DPY19L4: variants seen among roughly 807,000 people sequenced by gnomAD.
DPY19L4 encodes probable C-mannosyltransferase DPY19L4.
DPY19L4 carries 97 observed loss-of-function variants against 102.8 expected under a neutral mutation model. The ratio of observed to expected loss-of-function variants is 0.94; its 90% CI spans 0.80 to 1.12. DPY19L4 has a LOEUF of 1.12. Ranked by LOEUF, DPY19L4 falls within the 50% of genes most tolerant of loss-of-function variation. The pLI is 0.00. For missense variants in DPY19L4, 815 were observed against 850.4 expected (o/e 0.96, Z 0.52); for synonymous variants, 252 against 283.1 (o/e 0.89, Z 1.10).
In DPY19L4 at chr8:94,739,468, A is replaced by C. The variant is rs1422147070; in HGVS notation, c.399A>C (p.Ala133=). The change falls in exon 5 of 19, where the codon GCA becomes GCC. Residue 133 remains alanine, a synonymous_variant. Transcript: ENST00000414645. Reference sequence around the variant, plus strand: ...CTGTATCTCTGAAGACTATAAATGCAGTGCAGCAAATGTCTCTGTATCCGG... The same window carrying C: ...CTGTATCTCTGAAGACTATAAATGCCGTGCAGCAAATGTCTCTGTATCCGG... ...NKTVSLKTIN[A]VQQMSLYPEL... The C allele has an allele frequency of 6.2e-7, 1 of 1,608,680 alleles. No individual in the cohort carries two copies. Among genetic ancestry groups the C allele is most frequent in the Non-Finnish European group, 8.5e-7 (1 of 1,178,716 alleles).
In DPY19L4 at chr8:94,744,944, A is replaced by T. The variant is rs137993085; in HGVS notation, c.611+5154A>T. On this transcript the variant is annotated intron_variant, in intron 6 of 18. Transcript: ENST00000414645. ...TGCTTTTTGTTTATATTTTATTGGT[A>T]TGTATCTTGTACTGCAAAATACATT... The T allele has an allele frequency of 1.1e-3, 241 of 222,666 alleles. 2 individuals carry two copies. The East Asian group carries it at 0.023, about 22-fold the overall frequency. The allele number at this position is 222,666 out of a possible 1,614,324, so 13.8% of individuals were successfully genotyped here. A position where few individuals can be genotyped will look rare whatever the true frequency, so the allele number is the denominator to read the frequency against.
intron 16 of DPY19L4, among the ~76,000 whole-genome samples, chr8:94,782,261 G>A (rs1231260486): frequency 1.3e-5 from 2 of 152,206 alleles, no homozygotes; most frequent in Non-Finnish European, 2.9e-5. Context: ...TGTGTCAGCT[G>A]AGGGGATCAA....
intron 8 of DPY19L4, 107 bp downstream of exon 8, chr8:94,761,941 G>C: frequency 8.9e-7 from 1 of 1,125,320 alleles, no homozygotes. Context: ...TGGGAACCCC[G>C]ATGCATACAA....
chr8:94,772,987 G>A (rs570072427), intron 13 of DPY19L4, among the ~76,000 whole-genome samples: 4 of 152,154 alleles, frequency 2.6e-5, no homozygotes, highest in South Asian at 2.1e-4. Context: ...TGAGGCGAGC[G>A]GATCACTTGA....
intron 14 of DPY19L4, among the ~76,000 whole-genome samples, chr8:94,779,709 A>G (rs1189197733): frequency 6.6e-6 from 1 of 152,122 alleles, no homozygotes; most frequent in East Asian, 1.9e-4. Flanking sequence ...GAAGATCAGT[A>G]AGCCTCACTG....
intron 10 of DPY19L4, 66 bp from the exon 11 acceptor site, chr8:94,766,546 G>A: frequency 1.4e-6 from 2 of 1,448,916 alleles, no homozygotes; most frequent in South Asian, 2.5e-5. Context: ...CTCTAGTATT[G>A]GGGAAAGCAT....
At chr8:94,734,924 A>G (rs1811131736) in intron 3 of DPY19L4, among the ~76,000 whole-genome samples, 170 bp downstream of exon 3, 1 of 152,220 alleles carries the variant, frequency 6.6e-6, no homozygotes, top group Admixed American at 6.5e-5. Context: ...CTAATAGTGT[A>G]TTTCATAGAA....
chr8:94,777,863 C>T (rs1378243885), intron 14 of DPY19L4, 77 bp downstream of exon 14: 28 of 1,450,862 alleles, frequency 1.9e-5, no homozygotes, highest in Non-Finnish European at 2.5e-5. Flanking sequence ...ACATTGAATA[C>T]AATTGAAATA....
chr8:94,773,064 A>G (rs1812999077), intron 13 of DPY19L4, among the ~76,000 whole-genome samples: 1 of 151,998 alleles, frequency 6.6e-6, no homozygotes, highest in African/African-American at 2.4e-5. Flanking sequence ...ATACAAAAAA[A>G]TTAGCTGGGT....
intron 14 of DPY19L4, among the ~76,000 whole-genome samples, chr8:94,779,229 A>AAC (rs1813322130): frequency 6.6e-6 from 1 of 151,386 alleles, no homozygotes; most frequent in African/African-American, 2.4e-5. Context: ...TAAAAAAAAA[A>AAC]AACCAAGGCT....
intron 1 of DPY19L4, among the ~76,000 whole-genome samples, chr8:94,725,008 C>CTT (rs34943836): frequency 0.13 from 19,274 of 151,456 alleles, 1,762 homozygotes; most frequent in African/African-American, 0.26. Flanking sequence ...AAATGTACAG[C>CTT]TTTTTTTTTA....
chr8:94,759,636 A>G (rs913484379), intron 7 of DPY19L4, among the ~76,000 whole-genome samples: 2 of 149,962 alleles, frequency 1.3e-5, no homozygotes, highest in Non-Finnish European at 2.9e-5. Context: ...CCTCCCAAGT[A>G]GCTGGGATTA....
rs73697022 is a variant in DPY19L4 at position 94,770,462 on chromosome 8, C to T, written c.1345C>T (p.Leu449=). The T allele has an allele frequency of 4.7e-3, 7,496 of 1,611,592 alleles. 320 individuals carry two copies. The African/African-American group carries it at 0.088, about 19-fold the overall frequency. ...VIFRRINGKS[L]KETVTLEDGR... ...ATTTTCTTTTTGTAGTGGTAAGTCC[C>T]TGAAGGAAACTGTTACTCTTGAAGA... The change falls in exon 13 of 19, where the codon CTG becomes TTG. Residue 449 remains leucine, a synonymous_variant. Coordinates refer to ENST00000414645, the MANE Select transcript of DPY19L4 (RefSeq NM_181787.3).
At chr8:94,761,094 A>G (rs1234661403) in intron 7 of DPY19L4, among the ~76,000 whole-genome samples, 2 of 152,244 alleles carry the variant, frequency 1.3e-5, no homozygotes, top group Admixed American at 6.5e-5. Flanking sequence ...CCTGATGAAT[A>G]CCAGCATTTA....
chr8:94,743,592 G>A (rs1025797587), intron 6 of DPY19L4, among the ~76,000 whole-genome samples: 1 of 151,838 alleles, frequency 6.6e-6, no homozygotes, highest in African/African-American at 2.4e-5. Flanking sequence ...GCTATTGACT[G>A]TGCCATACAC....
Position 94,783,680 on chromosome 8 carries a change from C to T in DPY19L4, c.1726C>T (p.Pro576Ser), listed in dbSNP as rs1813529870. The T allele has an allele frequency of 6.2e-7, 1 of 1,613,828 alleles. No homozygotes were observed. The highest frequency in any genetic ancestry group is 8.5e-7 in the Non-Finnish European group (1 of 1,179,940). ...TATGGTTCTTTGCAGAAGGCAAGCT[C>T]CAGTTGCAGCTGTGTTTGCAGGGAG... ...ELMTWIKRQA[P>S]VAAVFAGSPQ... is the part of the protein sequence containing the mutation. The change falls in exon 17 of 19, where the codon CCA becomes TCA. Residue 576 changes from proline (P) to serine (S), a missense_variant. Coordinates refer to ENST00000414645, the MANE Select transcript of DPY19L4 (RefSeq NM_181787.3).
Position 94,790,684 on chromosome 8 carries a change from A to G in DPY19L4, c.*774A>G, listed in dbSNP as rs1242104884. ...TTTTGTTAAATGGACATTTAAAAGA[A>G]TGTTGTTCAGGTTTTTTTTTTAAAT... On this transcript the variant is annotated 3_prime_UTR_variant, in exon 19 of 19. Coordinates refer to ENST00000414645, the MANE Select transcript of DPY19L4 (RefSeq NM_181787.3). The G allele has an allele frequency of 6.6e-6, 1 of 152,066 alleles. No individual in the cohort carries two copies. Among genetic ancestry groups the G allele is most frequent in the Non-Finnish European group, 1.5e-5 (1 of 67,914 alleles). The allele number at this position is 152,066 out of a possible 1,614,324, so 9.4% of individuals were successfully genotyped here.
intron 2 of DPY19L4, among the ~76,000 whole-genome samples, chr8:94,733,059 C>T (rs1190488019): frequency 6.6e-6 from 1 of 150,970 alleles, no homozygotes. Context: ...AGCAATCTGC[C>T]TGCCTCTGGA....
intron 13 of DPY19L4, among the ~76,000 whole-genome samples, chr8:94,773,867 T>G (rs1306629033): frequency 2.1e-5 from 2 of 95,566 alleles, no homozygotes; most frequent in Admixed American, 2.3e-4. Context: ...AGACCCCATC[T>G]CTACAAAAAA....
Sources: gnomAD v4.1 joint callset for allele counts (sites outside exome capture counted in the v4.1 genomes callset) on GRCh38, gnomAD v4.1.1 for gene constraint, MANE v1.5 for transcripts, NCBI Gene and HGNC (gene_info 2026-07-23, HGNC 2026-07-21) for gene names.